PPM1D: variants seen among roughly 807,000 people sequenced by gnomAD.
PPM1D encodes protein phosphatase, Mg2+/Mn2+ dependent 1D, also known as protein phosphatase 1D.
PPM1D carries 52 observed loss-of-function variants against 58.3 expected under a neutral mutation model. The ratio of observed to expected loss-of-function variants is 0.89; its 90% confidence interval spans 0.71 to 1.12. The LOEUF is 1.12. PPM1D is among the 50% of genes most tolerant of loss of function. The probability of loss-of-function intolerance (pLI) is 0.00; values close to 1 mark genes in which losing one functional copy is unlikely to be tolerated. For missense variants in PPM1D, 564 were observed against 777.2 expected, an observed-to-expected ratio of 0.73 and a Z score of 3.26; for synonymous variants, 278 against 285.1, an observed-to-expected ratio of 0.98 and a Z score of 0.25.
intron 5 of PPM1D, 115 bp downstream of exon 5, chr17:60,656,956 A>G (rs1338134678): frequency 1.3e-6 from 2 of 1,590,748 alleles, no homozygotes; most frequent in African/African-American, 2.7e-5. Flanking sequence ...ACTCGATTCA[A>G]GAAAGTGATG....
intron 2 of PPM1D, among the ~76,000 whole-genome samples, chr17:60,633,263 C>T (rs1332115296): frequency 1.3e-5 from 2 of 152,108 alleles, no homozygotes; most frequent in Non-Finnish European, 1.5e-5. Flanking sequence ...CCAGCTTGGG[C>T]AACAGAGTGA....
chr17:60,637,249 C>A (rs1001599483), intron 3 of PPM1D, among the ~76,000 whole-genome samples: 1 of 151,678 alleles, frequency 6.6e-6, no homozygotes, highest in Non-Finnish European at 1.5e-5. Flanking sequence ...CTTTTTCTTT[C>A]TTTCTTTTTT....
intron 1 of PPM1D, among the ~76,000 whole-genome samples, chr17:60,602,425 A>ATT (rs34669060): frequency 0.048 from 7,080 of 146,496 alleles, 584 homozygotes; most frequent in African/African-American, 0.17. Context: ...TTAGTATTAA[A>ATT]TTTTTTTTTT....
At chr17:60,613,540 C>G (rs1274452129) in intron 1 of PPM1D, among the ~76,000 whole-genome samples, 1 of 152,270 alleles carries the variant, frequency 6.6e-6, no homozygotes, top group African/African-American at 2.4e-5. Context: ...CAGCCCGCCA[C>G]TGCACTGTGG....
At chr17:60,640,521 GC>G (rs1453590480) in intron 3 of PPM1D, among the ~76,000 whole-genome samples, 120 of 152,180 alleles carry the variant, frequency 7.9e-4, no homozygotes, top group African/African-American at 2.5e-3. Context: ...AGATTTGTGG[GC>G]TTTTGTTTGT....
chr17:60,609,714 G>A (rs960334727), intron 1 of PPM1D, among the ~76,000 whole-genome samples: 1 of 151,984 alleles, frequency 6.6e-6, no homozygotes, highest in Non-Finnish European at 1.5e-5. Flanking sequence ...TGTGGTTATC[G>A]GATCAACTCT....
intron 1 of PPM1D, among the ~76,000 whole-genome samples, chr17:60,611,405 T>A (rs1367062406): frequency 6.6e-6 from 1 of 152,044 alleles, no homozygotes; most frequent in Non-Finnish European, 1.5e-5. Context: ...AGAAATTCTT[T>A]ATGTATTTTG....
In PPM1D at chr17:60,613,246, C is replaced by T. The variant is rs536361258; in HGVS notation, c.473-10275C>T. Among the ~76,000 whole-genome samples the T allele has an allele frequency of 9.9e-5, 15 of 151,536 alleles. No individual in the cohort carries two copies. The South Asian group carries it at 2.9e-3, about 29-fold the overall frequency. On this transcript the variant is annotated intron_variant, in intron 1 of 5. Transcript: ENST00000305921. Reference sequence around the variant, plus strand: ...GGACTATTTCTTCAGAAAAAAAATTCTCAAAACTGAATTATTTGCTTAAAC... The same window carrying T: ...GGACTATTTCTTCAGAAAAAAAATTTTCAAAACTGAATTATTTGCTTAAAC...
intron 3 of PPM1D, among the ~76,000 whole-genome samples, chr17:60,642,065 A>G (rs1432127558): frequency 6.6e-6 from 1 of 152,248 alleles, no homozygotes; most frequent in Non-Finnish European, 1.5e-5. Context: ...ACACTAGACC[A>G]GTAATAAAAA....
At chr17:60,608,373 A>G (rs1014415409) in intron 1 of PPM1D, among the ~76,000 whole-genome samples, 1 of 152,168 alleles carries the variant, frequency 6.6e-6, no homozygotes, top group African/African-American at 2.4e-5. Flanking sequence ...AAAATAAAAC[A>G]TTACCAGGCC....
At chr17:60,626,379 TG>T (rs2030807936) in intron 2 of PPM1D, among the ~76,000 whole-genome samples, 1 of 151,808 alleles carries the variant, frequency 6.6e-6, no homozygotes, top group Non-Finnish European at 1.5e-5. Flanking sequence ...CTCAATGATG[TG>T]TTTTTTTGGG....
intron 5 of PPM1D, among the ~76,000 whole-genome samples, chr17:60,661,697 A>C (rs2031528908): frequency 6.6e-6 from 1 of 152,174 alleles, no homozygotes; most frequent in African/African-American, 2.4e-5. Flanking sequence ...CATGTGTACT[A>C]CTTTTCTCAA....
At position 60,656,603 on chromosome 17, in the gene PPM1D, A is replaced by G; in HGVS notation, c.1022A>G (p.Glu341Gly). Residue 341 changes from glutamate (E) to glycine (G), a missense_variant, in exon 5 of 6, where the codon GAG becomes GGG. Glu to Gly is a moderately conservative substitution (Grantham distance 98). Around this residue, in one of 7 missense-constraint regions of PPM1D, gnomAD observed 34 missense variants for 34.3 expected, o/e 0.99. Transcript: ENST00000305921. ...DQEEKKYLMG[E>G]HGQSCAKMLV... is the part of the protein sequence containing the mutation. Reference sequence around the variant, plus strand: ...TCCTTGTTCTTTTGAATACAGGGTGAGCATGGACAATCTTGTGCCAAAATG... The same window carrying G: ...TCCTTGTTCTTTTGAATACAGGGTGGGCATGGACAATCTTGTGCCAAAATG... 6.2e-7 allele frequency: 1 copy of G among 1,614,094 alleles called. No individual in the cohort carries two copies.
In PPM1D at chr17:60,633,871, G is replaced by A. The variant is rs551416414; in HGVS notation, c.720G>A (p.Gly240=). 1 of 1,612,914 alleles carries A rather than the reference G, an allele frequency of 6.2e-7. No homozygotes were observed. Among genetic ancestry groups the A allele is most frequent in the Admixed American group, 1.7e-5 (1 of 59,974 alleles). The change falls in exon 3 of 6, where the codon GGG becomes GGA. Residue 240 remains glycine, a synonymous_variant. Transcript: ENST00000305921. ...GLGGSVMNKS[G]VNRVVWKRPR... ...TTTTTAGTGTAATGAACAAGTCTGG[G>A]GTGAATCGTGTAGTTTGGAAACGAC...
chr17:60,641,138 G>A (rs920693262), intron 3 of PPM1D, among the ~76,000 whole-genome samples: 7 of 152,246 alleles, frequency 4.6e-5, no homozygotes, highest in East Asian at 3.9e-4. Flanking sequence ...TTGCTAGATC[G>A]AATGGTAGTT....
At chr17:60,658,496 A>G (rs1355708108) in intron 5 of PPM1D, among the ~76,000 whole-genome samples, 1 of 151,928 alleles carries the variant, frequency 6.6e-6, no homozygotes, top group Non-Finnish European at 1.5e-5. Flanking sequence ...TAAAAATACA[A>G]AATTAGCCAG....
chr17:60,644,691 CTA>C (rs2031201364), intron 3 of PPM1D, among the ~76,000 whole-genome samples: 2 of 152,166 alleles, frequency 1.3e-5, no homozygotes, highest in Non-Finnish European at 2.9e-5. Flanking sequence ...GATTCCAACA[CTA>C]TCTGCATAAA....
At chr17:60,645,223 G>C (rs908783930) in intron 3 of PPM1D, among the ~76,000 whole-genome samples, 1 of 151,822 alleles carries the variant, frequency 6.6e-6, no homozygotes, top group Non-Finnish European at 1.5e-5. Context: ...ATGTGGTGGC[G>C]GGCACCTGTA....
intron 1 of PPM1D, among the ~76,000 whole-genome samples, chr17:60,607,719 CTG>C (rs1238451919): frequency 6.6e-6 from 1 of 152,200 alleles, no homozygotes; most frequent in Non-Finnish European, 1.5e-5. Flanking sequence ...GCTTTTAGCT[CTG>C]TGTCATAGTC....
Sources: gnomAD v4.1 joint callset for allele counts (sites outside exome capture counted in the v4.1 genomes callset) on GRCh38, gnomAD v4.1.1 for gene constraint, gnomAD v4.1.1 regional missense constraint, MANE v1.5 for transcripts, NCBI Gene and HGNC (gene_info 2026-07-23, HGNC 2026-07-21) for gene names.